Variants in GSS observed in about 807,000 individuals in gnomAD.
GSS encodes GSH synthetase.
In GSS, 34 loss-of-function variants were observed where a neutral mutation model predicts 60.4. That is an observed-to-expected ratio of 0.56 (90% CI 0.43 to 0.75). The LOEUF (loss-of-function observed/expected upper bound fraction) is 0.75. GSS is among the 30% of genes least tolerant of loss of function. GSS has a pLI of 0.00. For synonymous variants in GSS, 224 were observed against 239.0 expected, an observed-to-expected ratio of 0.94 and a Z score of 0.58; for missense variants, 499 against 595.1, an observed-to-expected ratio of 0.84 and a Z score of 1.68.
chr20:34,939,666 G>A (rs926700168), intron 6 of GSS, among the ~76,000 whole-genome samples: 2 of 147,448 alleles, frequency 1.4e-5, no homozygotes, highest in African/African-American at 5.1e-5. Flanking sequence ...ATTTGGGTTT[G>A]TTTTTTGTTT....
chr20:34,931,445 A>G, intron 10 of GSS, 28 bp from the exon 11 acceptor site: 1 of 1,584,982 alleles, frequency 6.3e-7, no homozygotes, highest in South Asian at 1.1e-5. Context: ...GCAGTTATCA[A>G]AAGTTTAAAG....
intron 1 of GSS, among the ~76,000 whole-genome samples, chr20:34,953,006 T>C (rs181711037): frequency 2.0e-5 from 3 of 152,326 alleles, no homozygotes; most frequent in Admixed American, 2.0e-4. Context: ...TTTTGAGAAA[T>C]CACATTAGCA....
At position 34,929,405 on chromosome 20, in the gene GSS, CAT is replaced by C. The variant is rs777065530; in HGVS notation, c.1295_1296del (p.Tyr432CysfsTer62). The C allele has an allele frequency of 2.6e-5, 42 of 1,613,844 alleles. No homozygotes were observed. Among genetic ancestry groups the C allele is most frequent in the Non-Finnish European group, 3.6e-5 (42 of 1,179,708 alleles). On this transcript the variant is annotated frameshift_variant, in exon 12 of 13. Coordinates refer to ENST00000651619, the MANE Select transcript of GSS (RefSeq NM_000178.4). LOFTEE classifies it high-confidence loss of function. ...AGCTTCTCCTGATTGGCTCACCTGACATAGACCCCAAAGATGCCCAGCTCTGA... is the reference window on the plus strand; with the variant it reads ...AGCTTCTCCTGATTGGCTCACCTGACAGACCCCAAAGATGCCCAGCTCTGA... ...CISELGIFGV[Y>X]VRQEKTLVMN...
intron 4 of GSS, 33 bp from the exon 5 acceptor site, chr20:34,942,660 C>T (rs746864986): frequency 1.2e-6 from 2 of 1,608,616 alleles, no homozygotes; most frequent in African/African-American, 1.3e-5. Context: ...ACAGTACCTG[C>T]CCAGGGACTG....
In GSS at chr20:34,951,498, G is replaced by A. The variant is rs2081567961; in HGVS notation, c.129+226C>T. The A allele has an allele frequency of 5.4e-6, 3 of 555,424 alleles. No individual in the cohort carries two copies. In the South Asian group the frequency reaches 6.4e-5, roughly 12 times the overall value. The allele number at this position is 555,424 out of a possible 1,614,324, so 34.4% of individuals were successfully genotyped here. A position where few individuals can be genotyped will look rare whatever the true frequency, so the allele number is the denominator to read the frequency against. ...TTTTACACCTGAAGAAACTGCAGCTGAGAGCGGTTAAGTAATTTGCCTAAG... is the reference window on the plus strand; with the variant it reads ...TTTTACACCTGAAGAAACTGCAGCTAAGAGCGGTTAAGTAATTTGCCTAAG... On this transcript the variant is annotated intron_variant, in intron 2 of 12. Coordinates refer to ENST00000651619, the MANE Select transcript of GSS (RefSeq NM_000178.4).
chr20:34,955,422 C>G (rs1466408810), intron 1 of GSS: 1 of 152,236 alleles, frequency 6.6e-6, no homozygotes. Flanking sequence ...CGGGCCCGCT[C>G]GCTTCCACCC....
At chr20:34,944,936 A>G (rs533255899) in intron 3 of GSS, among the ~76,000 whole-genome samples, 17 of 152,270 alleles carry the variant, frequency 1.1e-4, no homozygotes, top group African/African-American at 4.1e-4. Flanking sequence ...TGTACAGTAT[A>G]TACACATCTA....
At chr20:34,953,259 A>C (rs562559093) in intron 1 of GSS, among the ~76,000 whole-genome samples, 3 of 152,106 alleles carry the variant, frequency 2.0e-5, no homozygotes, top group Non-Finnish European at 4.4e-5. Flanking sequence ...GAGTTAGAGA[A>C]TAATAGGAAA....
chr20:34,946,114 G>T lies in GSS; in HGVS notation c.130-16C>A, dbSNP rs752326627. ...AGCTCACCACCTGTGATCAAGAAGA[G>T]AGAATGGGACAGGGGTAGGGCACCT... On this transcript the variant is annotated splice_polypyrimidine_tract_variant and intron_variant, in intron 2 of 12. Transcript: ENST00000651619. 1 of 1,604,600 alleles carries T rather than the reference G, an allele frequency of 6.2e-7. No individual in the cohort carries two copies. The highest frequency in any genetic ancestry group is 1.7e-5 in the Admixed American group (1 of 59,844).
intron 5 of GSS, 22 bp downstream of exon 5, chr20:34,942,466 G>A (rs749446779): frequency 2.7e-5 from 43 of 1,606,294 alleles, no homozygotes; most frequent in Middle Eastern, 1.8e-4. Context: ...CAGGTATGCC[G>A]GGGGCTGCCC....
intron 6 of GSS, among the ~76,000 whole-genome samples, chr20:34,939,139 C>G (rs926600555): frequency 6.6e-6 from 1 of 152,066 alleles, no homozygotes; most frequent in Non-Finnish European, 1.5e-5. Context: ...ACTTGGGAGG[C>G]TAAGGCAGGA....
At chr20:34,943,819 G>A (rs185265997) in intron 3 of GSS, among the ~76,000 whole-genome samples, 169 of 152,300 alleles carry the variant, frequency 1.1e-3, no homozygotes, top group African/African-American at 3.8e-3. Context: ...CAGGCTCATC[G>A]TCACAGCTCA....
rs1824046754 is a variant in GSS, at chr20:34,951,811, C to T, written c.42G>A (p.Gln14=). ...NWGSLLQDKQ[Q]LEELARQAVD... is the part of the protein sequence containing the mutation. Reference sequence around the variant, plus strand: ...CGGCCTGCCGTGCCAGCTCCTCTAGCTGCTGTTTATCCTGCAAGAGGCTCC... The same window carrying T: ...CGGCCTGCCGTGCCAGCTCCTCTAGTTGCTGTTTATCCTGCAAGAGGCTCC... The change falls in exon 2 of 13, where the codon CAG becomes CAA. Residue 14 remains glutamine, a synonymous_variant. Transcript: ENST00000651619. The T allele has an allele frequency of 1.9e-6, 3 of 1,614,206 alleles. No homozygotes were observed. The highest frequency in any genetic ancestry group is 2.5e-6 in the Non-Finnish European group (3 of 1,180,036).
At chr20:34,951,671 G>A (rs555565650) in intron 2 of GSS, 53 bp downstream of exon 2, 6 of 1,562,136 alleles carry the variant, frequency 3.8e-6, no homozygotes, top group Non-Finnish European at 2.6e-6. Flanking sequence ...CAGCCTGGCC[G>A]GGGCCAGACA....
chr20:34,952,742 G>C (rs1183727510), intron 1 of GSS: 1 of 152,194 alleles, frequency 6.6e-6, no homozygotes, highest in Admixed American at 6.5e-5. Context: ...CCGAGGCTTT[G>C]TATTTTTAAC....
Position 34,931,391 on chromosome 20 carries a change from G to A in GSS, c.1056C>T (p.Ala352=), listed in dbSNP as rs142345902. The A allele has an allele frequency of 4.0e-5, 64 of 1,614,086 alleles. No homozygotes were observed. The highest frequency in any genetic ancestry group is 2.0e-4 in the East Asian group (9 of 44,892). ...ACCGGCTAGGGGCAGCAAGGGCCTC[G>A]GCGATGGCCTGGTCCCCTTCTTCAC... The part of the protein sequence containing the change: ...DVGEEGDQAI[A]EALAAPSRFV... The change falls in exon 11 of 13, where the codon GCC becomes GCT. Residue 352 remains alanine, a synonymous_variant. Coordinates refer to ENST00000651619, the MANE Select transcript of GSS (RefSeq NM_000178.4).
intron 10 of GSS, 149 bp from the exon 11 acceptor site, chr20:34,931,566 T>C (rs2081401965): frequency 1.4e-6 from 1 of 724,710 alleles, no homozygotes. Flanking sequence ...ACTATCTGGA[T>C]GACACTCCCA....
intron 6 of GSS, among the ~76,000 whole-genome samples, chr20:34,941,125 G>C (rs762371668): frequency 2.6e-5 from 4 of 152,192 alleles, no homozygotes; most frequent in Non-Finnish European, 5.9e-5. Context: ...GGGAGGCCAA[G>C]GTGGGCGGAT....
At chr20:34,940,914 T>A (rs2081477245) in intron 6 of GSS, among the ~76,000 whole-genome samples, 1 of 152,124 alleles carries the variant, frequency 6.6e-6, no homozygotes, top group Non-Finnish European at 1.5e-5. Context: ...GACCCAATCA[T>A]AACAATCTGG....
Sources: allele counts gnomAD v4.1 joint callset (sites outside exome capture counted in the v4.1 genomes callset), GRCh38; gene constraint gnomAD v4.1.1; transcripts MANE v1.5; gene names NCBI Gene and HGNC (gene_info 2026-07-23, HGNC 2026-07-21).